The following CNOT6 variants were observed in gnomAD, a reference collection of about 807,000 sequenced individuals.
CNOT6 encodes CCR4-NOT transcription complex subunit 6, also known as carbon catabolite repression 4 protein.
In CNOT6, 12 loss-of-function variants were observed where a neutral mutation model predicts 61.2. The observed-to-expected ratio is 0.20, with a 90% CI of 0.13 to 0.32. The LOEUF (loss-of-function observed/expected upper bound fraction) is 0.32, where lower values mean the gene tolerates loss of function less well. Ranked by LOEUF, CNOT6 falls within the 10% of genes least tolerant of loss-of-function variation. The probability of loss-of-function intolerance (pLI) is 1.00; values close to 1 mark genes in which losing one functional copy is unlikely to be tolerated. For missense variants in CNOT6, 405 were observed against 663.9 expected (o/e 0.61, Z 4.28); for synonymous variants, 225 against 240.6 (o/e 0.94, Z 0.60).
At chr5:180,537,456 C>A (rs1225643876) in intron 2 of CNOT6, among the ~76,000 whole-genome samples, 1 of 151,566 alleles carries the variant, frequency 6.6e-6, no homozygotes, top group Non-Finnish European at 1.5e-5. Flanking sequence ...AATCTTTTGC[C>A]CGTTTTTAAA....
intron 1 of CNOT6, among the ~76,000 whole-genome samples, chr5:180,496,664 T>C (rs1421257644): frequency 1.3e-5 from 2 of 152,026 alleles, no homozygotes; most frequent in Non-Finnish European, 2.9e-5. Flanking sequence ...CTCAGAAAAA[T>C]ATAAAGTAAC....
intron 1 of CNOT6, among the ~76,000 whole-genome samples, chr5:180,513,414 A>G (rs1377331878): frequency 6.6e-6 from 1 of 151,798 alleles, no homozygotes. Context: ...TCTGTCGCCC[A>G]GCCTGGAGTC....
chr5:180,496,344 C>G (rs1756614251), intron 1 of CNOT6, among the ~76,000 whole-genome samples: 1 of 152,092 alleles, frequency 6.6e-6, no homozygotes, highest in African/African-American at 2.4e-5. Flanking sequence ...ACAGACCTTT[C>G]TAGGTGGAGG....
At chr5:180,523,855 A>G (rs1016737721) in intron 1 of CNOT6, among the ~76,000 whole-genome samples, 1 of 151,994 alleles carries the variant, frequency 6.6e-6, no homozygotes, top group African/African-American at 2.4e-5. Flanking sequence ...ATGTTCCTGG[A>G]TAGTCTTTTC....
intron 2 of CNOT6, among the ~76,000 whole-genome samples, chr5:180,542,078 T>C (rs1322483586): frequency 6.6e-6 from 1 of 152,178 alleles, no homozygotes. Flanking sequence ...ATTCTTATCC[T>C]TGTTTCTTTT....
At chr5:180,503,189 G>C (rs1423409209) in intron 1 of CNOT6, among the ~76,000 whole-genome samples, 1 of 151,574 alleles carries the variant, frequency 6.6e-6, no homozygotes, top group Admixed American at 6.6e-5. Context: ...GGAAATTTAG[G>C]CATTAAAGAT....
Position 180,577,230 on chromosome 5 carries a change from C to G in CNOT6, c.*3030C>G, listed in dbSNP as rs1761049723. On this transcript the variant is annotated 3_prime_UTR_variant, in exon 12 of 12. Transcript: ENST00000261951. Reference sequence around the variant, plus strand: ...ATTTAGTGACAACCAGGAAAACTTACTTGGGATTATTAGCACTTTCAAACT... The same window carrying G: ...ATTTAGTGACAACCAGGAAAACTTAGTTGGGATTATTAGCACTTTCAAACT... The G allele has an allele frequency of 6.6e-6, 1 of 150,420 alleles. No homozygotes were observed. The highest frequency in any genetic ancestry group is 2.5e-5 in the African/African-American group (1 of 40,754). The allele number at this position is 150,420 out of a possible 1,614,324, so 9.3% of individuals were successfully genotyped here.
At chr5:180,502,214 A>G (rs1324034101) in intron 1 of CNOT6, among the ~76,000 whole-genome samples, 1 of 152,224 alleles carries the variant, frequency 6.6e-6, no homozygotes, top group African/African-American at 2.4e-5. Flanking sequence ...CTATTGGTTG[A>G]AATTATTGCA....
intron 2 of CNOT6, among the ~76,000 whole-genome samples, chr5:180,540,295 C>T (rs1272380559): frequency 2.6e-5 from 4 of 152,034 alleles, no homozygotes; most frequent in African/African-American, 9.7e-5. Context: ...GTGGGTTTCC[C>T]TTTTTTTAGT....
At chr5:180,573,026 G>A (rs764219096) in intron 11 of CNOT6, among the ~76,000 whole-genome samples, 32 of 152,302 alleles carry the variant, frequency 2.1e-4, no homozygotes, top group Non-Finnish European at 3.1e-4. Flanking sequence ...AGCATAGAAA[G>A]TAAACCCCTG....
rs1308990288 is a variant in CNOT6 at position 180,575,253 on chromosome 5, C to T, written c.*1053C>T. On this transcript the variant is annotated 3_prime_UTR_variant, in exon 12 of 12. Transcript: ENST00000261951. ...CATTTGTGAGAATTTTATGAAAATG[C>T]TTTTGTATGAGCTGTGGCTTTTTCC... The T allele has an allele frequency of 6.6e-6, 1 of 152,082 alleles. No homozygotes were observed. Among genetic ancestry groups the T allele is most frequent in the African/African-American group, 2.4e-5 (1 of 41,340 alleles). The allele number at this position is 152,082 out of a possible 1,614,324, so 9.4% of individuals were successfully genotyped here. A position where few individuals can be genotyped will look rare whatever the true frequency, so the allele number is the denominator to read the frequency against.
chr5:180,530,138 G>A (rs1218789454), intron 2 of CNOT6, among the ~76,000 whole-genome samples: 1 of 152,152 alleles, frequency 6.6e-6, no homozygotes, highest in Non-Finnish European at 1.5e-5. Flanking sequence ...CTTTCAGTTT[G>A]TTCTGATTTT....
Position 180,565,856 on chromosome 5 carries a change from A to G in CNOT6, c.596A>G (p.Asp199Gly), listed in dbSNP as rs1354223565. The change falls in exon 7 of 12, where the codon GAT becomes GGT. Residue 199 changes from aspartate to glycine, a missense_variant. Physicochemically the swap from Asp to Gly is moderately conservative, Grantham distance 94 (BLOSUM62 -1). Around this residue, in one of 5 missense-constraint regions of CNOT6, gnomAD observed 212 missense variants for 307.1 expected, o/e 0.69. Coordinates refer to ENST00000261951, the MANE Select transcript of CNOT6 (RefSeq NM_001370472.1). ...FSVMCYNVLC[D>G]KYATRQLYGY... ...GTCATGTGCTATAATGTTCTTTGTG[A>G]TAAATATGCGACCCGGCAGTTATAC... 6.2e-7 allele frequency: 1 copy of G among 1,612,604 alleles called. No individual in the cohort carries two copies. Among genetic ancestry groups the G allele is most frequent in the Non-Finnish European group, 8.5e-7 (1 of 1,178,920 alleles).
chr5:180,556,679 G>T (rs914107962), intron 4 of CNOT6, among the ~76,000 whole-genome samples: 1 of 152,208 alleles, frequency 6.6e-6, no homozygotes, highest in African/African-American at 2.4e-5. Context: ...CATCCCGGGC[G>T]CAGTGGCTCA....
chr5:180,498,285 G>A (rs942361245), intron 1 of CNOT6, among the ~76,000 whole-genome samples: 1 of 152,132 alleles, frequency 6.6e-6, no homozygotes, highest in Non-Finnish European at 1.5e-5. Flanking sequence ...GTTAAGGTAT[G>A]TACTGGCCAT....
At chr5:180,508,696 C>T (rs1201059553) in intron 1 of CNOT6, among the ~76,000 whole-genome samples, 1 of 152,090 alleles carries the variant, frequency 6.6e-6, no homozygotes, top group Non-Finnish European at 1.5e-5. Flanking sequence ...CATCATGGCT[C>T]ACTGCAACCT....
chr5:180,530,764 T>C (rs1346021595), intron 2 of CNOT6, among the ~76,000 whole-genome samples: 2 of 152,216 alleles, frequency 1.3e-5, no homozygotes, highest in African/African-American at 4.8e-5. Context: ...GGAGTGGTGA[T>C]GACTCTTAAG....
intron 1 of CNOT6, among the ~76,000 whole-genome samples, chr5:180,498,495 CAG>C (rs1213084985): frequency 6.6e-6 from 1 of 151,964 alleles, no homozygotes; most frequent in Non-Finnish European, 1.5e-5. Flanking sequence ...TCATGTCAAA[CAG>C]AAGGAAGTGT....
intron 2 of CNOT6, among the ~76,000 whole-genome samples, chr5:180,531,720 C>T (rs921521199): frequency 5.3e-5 from 8 of 152,232 alleles, no homozygotes; most frequent in Non-Finnish European, 8.8e-5. Flanking sequence ...AGCAAAACTC[C>T]GTCTGTAATC....
Sources: allele counts gnomAD v4.1 joint callset (sites outside exome capture counted in the v4.1 genomes callset), GRCh38; gene constraint gnomAD v4.1.1; regional missense constraint gnomAD v4.1.1; transcripts MANE v1.5; gene names NCBI Gene and HGNC (gene_info 2026-07-23, HGNC 2026-07-21).